Variants in EPHA6 observed in about 807,000 individuals in gnomAD.
The protein encoded by EPHA6 is EPH receptor A6, also known as ephrin type-A receptor 6.
Under a neutral mutation model 112.0 loss-of-function variants are expected in EPHA6, and 50 were observed. That is an observed-to-expected ratio of 0.45 (90% CI 0.36 to 0.56). The LOEUF (loss-of-function observed/expected upper bound fraction) is 0.56, where lower values mean the gene tolerates loss of function less well. Ranked by LOEUF, EPHA6 falls within the 20% of genes least tolerant of loss-of-function variation. The probability of loss-of-function intolerance (pLI) is 0.00; values close to 1 mark genes in which losing one functional copy is unlikely to be tolerated. For synonymous variants in EPHA6, 529 were observed against 490.7 expected (o/e 1.08, Z -1.03); for missense variants, 1,280 against 1,417.4 (o/e 0.90, Z 1.56).
intron 5 of EPHA6, among the ~76,000 whole-genome samples, chr3:97,380,526 C>T (rs1182337768): frequency 6.6e-6 from 1 of 152,074 alleles, no homozygotes; most frequent in African/African-American, 2.4e-5. Context: ...AAATGTGCCA[C>T]AAGACTTTCT....
At chr3:97,673,362 C>T (rs1036404292) in intron 14 of EPHA6, among the ~76,000 whole-genome samples, 6 of 152,136 alleles carry the variant, frequency 3.9e-5, no homozygotes, top group Non-Finnish European at 5.9e-5. Context: ...CCAGCAAATT[C>T]CTGACATAAT....
intron 3 of EPHA6, among the ~76,000 whole-genome samples, chr3:97,120,737 C>G (rs1014535661): frequency 1.3e-5 from 2 of 151,754 alleles, no homozygotes; most frequent in Non-Finnish European, 2.9e-5. Flanking sequence ...TACCATGACT[C>G]TATGGTCTGG....
At chr3:97,631,991 T>A (rs959169684) in intron 13 of EPHA6, among the ~76,000 whole-genome samples, 1 of 152,018 alleles carries the variant, frequency 6.6e-6, no homozygotes, top group Non-Finnish European at 1.5e-5. Flanking sequence ...AGCAGATATC[T>A]ATATAAGATA....
chr3:96,843,542 G>A (rs1264576683), intron 1 of EPHA6, among the ~76,000 whole-genome samples: 1 of 152,044 alleles, frequency 6.6e-6, no homozygotes, highest in African/African-American at 2.4e-5. Context: ...TTCAGTCAGC[G>A]AGGTGGCGGT....
intron 3 of EPHA6, among the ~76,000 whole-genome samples, chr3:97,035,249 C>T (rs775642225): frequency 4.6e-5 from 7 of 151,918 alleles, no homozygotes; most frequent in Non-Finnish European, 1.0e-4. Flanking sequence ...TAACTCCTCT[C>T]AGCTCCCTTT....
rs566450227 is a variant in EPHA6 at position 97,307,330 on chromosome 3, C to T, written c.1606+63043C>T. ...AGATGCCCCAGATTCAAATTCTAAT[C>T]TCACCACTAGTAAGTGGCCTGTAAA... On this transcript the variant is annotated intron_variant, in intron 5 of 17. Transcript: ENST00000389672. Among the ~76,000 whole-genome samples, 7 of 151,862 alleles carry T rather than the reference C, an allele frequency of 4.6e-5. No individual in the cohort carries two copies. In the South Asian group the frequency reaches 1.2e-3, roughly 27 times the overall value.
Position 97,035,853 on chromosome 3 carries a change from C to T in EPHA6, c.1114+47860C>T, listed in dbSNP as rs375336947. 1.3e-4 allele frequency among the ~76,000 whole-genome samples: 19 copies of T among 151,916 alleles called. No individual in the cohort carries two copies. In the East Asian group the frequency reaches 1.6e-3, roughly 12 times the overall value. On this transcript the variant is annotated intron_variant, in intron 3 of 17. Transcript: ENST00000389672. ...ATTTTATTAATTAGGATGTTGTGGA[C>T]GGAATGTATTTCCCCAAAACCTCAT...
chr3:97,572,229 C>A (rs1402276504), intron 11 of EPHA6, among the ~76,000 whole-genome samples: 2 of 149,756 alleles, frequency 1.3e-5, no homozygotes, highest in Non-Finnish European at 3.0e-5. Context: ...CGGCTCACTG[C>A]AAGCTCTGCC....
intron 1 of EPHA6, among the ~76,000 whole-genome samples, chr3:96,818,715 A>G (rs2033010446): frequency 6.6e-6 from 1 of 151,938 alleles, no homozygotes; most frequent in South Asian, 2.1e-4. Flanking sequence ...AAATTTTTAA[A>G]GATTTTTCAA....
intron 6 of EPHA6, among the ~76,000 whole-genome samples, chr3:97,442,903 G>C (rs960757897): frequency 1.3e-5 from 2 of 151,968 alleles, no homozygotes; most frequent in Admixed American, 1.3e-4. Context: ...TCTTTTCCCA[G>C]AGCCATGTGA....
rs114863115 is a variant in EPHA6, at chr3:97,177,794, C to T, written c.1115-48470C>T. ...GTTGCTCCTTTTTGGTTTACATTGG[C>T]ATGGAATATCTCTTACCATCTCTTT... On this transcript the variant is annotated intron_variant, in intron 3 of 17. Coordinates refer to ENST00000389672, the MANE Select transcript of EPHA6 (RefSeq NM_001080448.3). Among the ~76,000 whole-genome samples, 451 of 152,030 alleles carry T rather than the reference C, an allele frequency of 3.0e-3. 1 individual carries two copies. The highest frequency in any genetic ancestry group is 0.01 in the Middle Eastern group (3 of 294).
intron 5 of EPHA6, among the ~76,000 whole-genome samples, chr3:97,260,053 G>A (rs958628998): frequency 2.0e-5 from 3 of 152,094 alleles, no homozygotes; most frequent in Non-Finnish European, 2.9e-5. Context: ...AGCCCGCTTC[G>A]GCCTCCCAAA....
At chr3:97,497,355 C>G (rs1247820075) in intron 10 of EPHA6, among the ~76,000 whole-genome samples, 1 of 152,184 alleles carries the variant, frequency 6.6e-6, no homozygotes, top group Non-Finnish European at 1.5e-5. Flanking sequence ...CTAGGAAGCT[C>G]TTAGCTCCAG....
chr3:97,209,617 T>C (rs572734633), intron 3 of EPHA6, among the ~76,000 whole-genome samples: 20 of 152,356 alleles, frequency 1.3e-4, no homozygotes, highest in Admixed American at 8.5e-4. Context: ...CTTTCCTTGC[T>C]TAGTAAAAAT....
chr3:97,234,766 C>T (rs569542644), intron 4 of EPHA6, among the ~76,000 whole-genome samples: 2 of 152,110 alleles, frequency 1.3e-5, no homozygotes, highest in African/African-American at 4.8e-5. Flanking sequence ...CATATGTTCT[C>T]CTTAACTCCC....
intron 5 of EPHA6, among the ~76,000 whole-genome samples, chr3:97,404,263 A>C (rs2087185173): frequency 6.6e-6 from 1 of 152,118 alleles, no homozygotes; most frequent in African/African-American, 2.4e-5. Flanking sequence ...CATTACCACC[A>C]ACAATGTGGT....
At chr3:97,618,245 A>G (rs1008920021) in intron 13 of EPHA6, among the ~76,000 whole-genome samples, 2 of 152,106 alleles carry the variant, frequency 1.3e-5, no homozygotes, top group African/African-American at 4.8e-5. Flanking sequence ...TAAATATACA[A>G]TGTGCCAGAA....
chr3:97,560,295 C>T (rs2093170670), intron 11 of EPHA6, among the ~76,000 whole-genome samples: 2 of 152,050 alleles, frequency 1.3e-5, no homozygotes, highest in African/African-American at 4.8e-5. Context: ...GAAATATAGT[C>T]TTAGGCCTTC....
intron 3 of EPHA6, among the ~76,000 whole-genome samples, chr3:97,184,100 G>A (rs72922381): frequency 0.013 from 1,956 of 152,200 alleles, 46 homozygotes; most frequent in African/African-American, 0.043. Flanking sequence ...CCTTTGCCAT[G>A]TATTTTTAAA....
Sources: allele counts gnomAD v4.1 joint callset (sites outside exome capture counted in the v4.1 genomes callset), GRCh38; gene constraint gnomAD v4.1.1; transcripts MANE v1.5; gene names NCBI Gene and HGNC (gene_info 2026-07-23, HGNC 2026-07-21).